DST: variants seen among roughly 807,000 people sequenced by gnomAD.
DST encodes bullous pemphigoid antigen.
A neutral mutation model predicts 875.2 loss-of-function variants in DST; 253 were observed. The observed-to-expected ratio is 0.29, with a 90% CI of 0.26 to 0.32. The LOEUF (loss-of-function observed/expected upper bound fraction) is 0.32. DST is among the 10% of genes least tolerant of loss of function. DST has a pLI of 1.00. For missense variants in DST, 8,287 were observed against 9,111.6 expected, an observed-to-expected ratio of 0.91 and a Z score of 3.68; for synonymous variants, 3,124 against 3,197.1, an observed-to-expected ratio of 0.98 and a Z score of 0.77.
At chr6:56,462,974 G>C in intron 102 of DST, 72 bp downstream of exon 102, 1 of 824,900 alleles carries the variant, frequency 1.2e-6, no homozygotes, top group Non-Finnish European at 2.0e-6. Context: ...AGGGAGTGGT[G>C]CAACGATGTT....
chr6:56,642,370 T>A, intron 16 of DST, 40 bp downstream of exon 16: 4 of 1,393,622 alleles, frequency 2.9e-6, no homozygotes, highest in Non-Finnish European at 4.1e-6. Flanking sequence ...GCACAGTGAC[T>A]CCTCTACCAC....
intron 37 of DST, among the ~76,000 whole-genome samples, chr6:56,613,835 A>C (rs553786164): frequency 7.9e-5 from 12 of 152,332 alleles, no homozygotes; most frequent in African/African-American, 2.9e-4. Context: ...AGTATCTAGA[A>C]TTTCCAGTGA....
intron 4 of DST, among the ~76,000 whole-genome samples, chr6:56,849,999 C>T (rs142536989): frequency 1.7e-3 from 258 of 152,304 alleles, no homozygotes; most frequent in African/African-American, 5.6e-3. Flanking sequence ...GCATTCATTT[C>T]GCTGGAGCCT....
intron 43 of DST, among the ~76,000 whole-genome samples, chr6:56,602,546 T>C (rs1290905213): frequency 3.3e-5 from 5 of 152,010 alleles, no homozygotes; most frequent in Admixed American, 2.6e-4. Context: ...ATGACTGTAC[T>C]ACAAATATTA....
intron 4 of DST, among the ~76,000 whole-genome samples, chr6:56,775,638 C>A (rs2099677470): frequency 6.6e-6 from 1 of 151,998 alleles, no homozygotes; most frequent in Admixed American, 6.6e-5. Flanking sequence ...GCCTCAAGCA[C>A]CTTGGAATGT....
intron 4 of DST, among the ~76,000 whole-genome samples, chr6:56,752,698 C>T (rs1464129191): frequency 1.3e-5 from 2 of 152,200 alleles, no homozygotes; most frequent in African/African-American, 4.8e-5. Flanking sequence ...TATGGACTTA[C>T]CAGTTTGTTT....
At chr6:56,893,316 CT>C (rs746473967) in intron 3 of DST, among the ~76,000 whole-genome samples, 6 of 152,174 alleles carry the variant, frequency 3.9e-5, no homozygotes, top group Non-Finnish European at 7.3e-5. Flanking sequence ...ATCCAGGTCA[CT>C]GCAAATTCTG....
intron 2 of DST, among the ~76,000 whole-genome samples, chr6:56,948,330 C>A (rs1348426038): frequency 6.6e-6 from 1 of 152,142 alleles, no homozygotes; most frequent in Non-Finnish European, 1.5e-5. Context: ...TACTCTTGCA[C>A]TATGGGGCCA....
At chr6:56,684,425 A>C (rs1417417744) in intron 9 of DST, among the ~76,000 whole-genome samples, 1 of 152,238 alleles carries the variant, frequency 6.6e-6, no homozygotes. Flanking sequence ...TATTTAACTT[A>C]AAGAAAGTTA....
chr6:56,889,454 G>A (rs1338022241), intron 3 of DST, among the ~76,000 whole-genome samples: 1 of 152,118 alleles, frequency 6.6e-6, no homozygotes, highest in African/African-American at 2.4e-5. Flanking sequence ...ATGGTGGTGG[G>A]AGCCCAAAAG....
intron 55 of DST, among the ~76,000 whole-genome samples, chr6:56,566,381 T>C (rs893970590): frequency 4.7e-4 from 71 of 152,254 alleles, no homozygotes; most frequent in African/African-American, 1.6e-3. Flanking sequence ...ATAGGAAAAG[T>C]GTAGTATCTG....
intron 2 of DST, among the ~76,000 whole-genome samples, chr6:56,939,974 C>T (rs938127681): frequency 1.2e-4 from 18 of 151,314 alleles, no homozygotes; most frequent in African/African-American, 3.6e-4. Context: ...TGCAGTGAGC[C>T]GAGATCGTGC....
intron 80 of DST, 25 bp from the exon 81 acceptor site, chr6:56,498,078 G>T: frequency 1.3e-6 from 2 of 1,586,904 alleles, no homozygotes; most frequent in Non-Finnish European, 8.6e-7. Flanking sequence ...ATAACACCAT[G>T]TTTGCTAGTT....
intron 4 of DST, among the ~76,000 whole-genome samples, chr6:56,752,273 T>G (rs890941384): frequency 1.5e-4 from 23 of 152,032 alleles, no homozygotes; most frequent in African/African-American, 5.1e-4. Flanking sequence ...AACTGCATGG[T>G]AAGTGCTATG....
intron 4 of DST, among the ~76,000 whole-genome samples, chr6:56,736,399 A>G (rs1032251476): frequency 6.6e-6 from 1 of 152,234 alleles, no homozygotes; most frequent in Non-Finnish European, 1.5e-5. Flanking sequence ...ATAATCATCC[A>G]ACACCTAAAG....
intron 61 of DST, chr6:56,540,479 A>G (rs2097107382): frequency 6.6e-6 from 1 of 152,616 alleles, no homozygotes; most frequent in Non-Finnish European, 1.5e-5. Flanking sequence ...ATATTGTGTC[A>G]AAAGTGTCAC....
rs147332345 is a variant in DST, at chr6:56,466,063, T to G, written c.22687+15A>C. On this transcript the variant is annotated intron_variant, in intron 99 of 103. Coordinates refer to ENST00000680361, the MANE Select transcript of DST (RefSeq NM_001374736.1). The stretch of plus-strand genomic sequence containing the variant: ...AAATACTTTCATGATGTTATCATGA[T>G]AAGCATCTCCTTACCCCTGCAAGGA... 1.3e-4 allele frequency: 212 copies of G among 1,570,952 alleles called. 3 individuals carry two copies. The East Asian group carries it at 3.9e-3, about 29-fold the overall frequency.
intron 9 of DST, among the ~76,000 whole-genome samples, chr6:56,673,247 A>AAAAAC (rs921499587): frequency 3.1e-4 from 47 of 152,292 alleles, no homozygotes; most frequent in East Asian, 2.9e-3. Flanking sequence ...CCTTAAAATC[A>AAAAAC]AAAACAAAAC....
At chr6:56,862,051 AAT>A (rs1446367914) in intron 3 of DST, 3 of 152,288 alleles carry the variant, frequency 2.0e-5, no homozygotes, top group Admixed American at 2.0e-4. Flanking sequence ...CCTGATGAAT[AAT>A]GTCTGTTGGG....
Sources: gnomAD v4.1 joint callset for allele counts (sites outside exome capture counted in the v4.1 genomes callset) on GRCh38, gnomAD v4.1.1 for gene constraint, MANE v1.5 for transcripts, NCBI Gene and HGNC (gene_info 2026-07-23, HGNC 2026-07-21) for gene names.